STRIP1: variants seen among roughly 807,000 people sequenced by gnomAD.
STRIP1 encodes the protein striatin-interacting protein 1.
STRIP1 carries 63 observed loss-of-function variants against 106.2 expected under a neutral mutation model. That is an observed-to-expected ratio of 0.59 (90% CI 0.48 to 0.73). The LOEUF is 0.73. Among genes scored for constraint, STRIP1 ranks in the 30% least tolerant of loss-of-function variants. The pLI is 0.00. For missense variants in STRIP1, 857 were observed against 1,074.8 expected, an observed-to-expected ratio of 0.80 and a Z score of 2.83; for synonymous variants, 390 against 413.0, an observed-to-expected ratio of 0.94 and a Z score of 0.67.
At chr1:110,051,275 T>C (rs995683768) in intron 19 of STRIP1, among the ~76,000 whole-genome samples, 3 of 152,256 alleles carry the variant, frequency 2.0e-5, no homozygotes, top group African/African-American at 7.2e-5. Context: ...TCTACATTTA[T>C]AGAAGAACTT....
chr1:110,038,854 C>T, intron 3 of STRIP1, 97 bp downstream of exon 3: 1 of 1,153,360 alleles, frequency 8.7e-7, no homozygotes, highest in Non-Finnish European at 1.3e-6. Context: ...CATCCTGGAA[C>T]AGCCTGAGAA....
chr1:110,047,802 G>T lies in STRIP1; in HGVS notation c.1594G>T (p.Ala532Ser). The T allele has an allele frequency of 6.4e-7, 1 of 1,571,112 alleles. No homozygotes were observed. ...CCTCCTGAAGATCCTGTTGGCTGCA[G>T]CACCCACCTCAAAAGCCAAAACAGA... ...IALLKILLAA[A>S]PTSKAKTDSI... The change falls in exon 15 of 21, where the codon GCA becomes TCA. Residue 532 changes from alanine (A) to serine (S), a missense_variant. Ala to Ser is a moderately conservative substitution (Grantham distance 99). Transcript: ENST00000369795.
At chr1:110,048,733 A>G (rs1156589279) in intron 15 of STRIP1, among the ~76,000 whole-genome samples, 1 of 152,270 alleles carries the variant, frequency 6.6e-6, no homozygotes, top group Non-Finnish European at 1.5e-5. Flanking sequence ...ATCTTACTCC[A>G]AAACCCTTTT....
At chr1:110,038,069 CAAATATATATATATAT>C in intron 2 of STRIP1, 109 bp downstream of exon 2, 1 of 183,074 alleles carries the variant, frequency 5.5e-6, no homozygotes. Context: ...CTAGTTCTAT[CAAATATATATATATAT>C]ATATATATAT....
intron 9 of STRIP1, among the ~76,000 whole-genome samples, 162 bp downstream of exon 9, chr1:110,043,432 T>C (rs1652870827): frequency 6.6e-6 from 1 of 152,196 alleles, no homozygotes; most frequent in Non-Finnish European, 1.5e-5. Flanking sequence ...TCTGGTCCAG[T>C]GTATGGTGAG....
rs577536791 is a variant in STRIP1 at position 110,042,681 on chromosome 1, T to C, written c.886-407T>C. Among the ~76,000 whole-genome samples, 4 of 152,240 alleles carry C rather than the reference T, an allele frequency of 2.6e-5. No individual in the cohort carries two copies. The East Asian group carries it at 5.8e-4, about 22-fold the overall frequency. On this transcript the variant is annotated intron_variant, in intron 8 of 20. Coordinates refer to ENST00000369795, the MANE Select transcript of STRIP1 (RefSeq NM_033088.4). ...GGAGATGTTTAGATGAAGCTTTTTT[T>C]CTTCTTCTAAAGTTGAGCAACCAAC...
intron 1 of STRIP1, among the ~76,000 whole-genome samples, chr1:110,036,879 A>G (rs1652482740): frequency 6.6e-6 from 1 of 152,124 alleles, no homozygotes; most frequent in Admixed American, 6.5e-5. Context: ...GCTGGAGTGT[A>G]GTGGCGCGAT....
At position 110,037,874 on chromosome 1, in the gene STRIP1, T is replaced by C. The variant is rs1211484905; in HGVS notation, c.181-17T>C. 1 of 1,583,898 alleles carries C rather than the reference T, an allele frequency of 6.3e-7. No homozygotes were observed. Among genetic ancestry groups the C allele is most frequent in the Non-Finnish European group, 8.7e-7 (1 of 1,153,314 alleles). ...AGAATGATCCTTTTTCCTAAAGCTC[T>C]CTCCTCTTGTCAGCAGGGCTATTCG... On this transcript the variant is annotated splice_polypyrimidine_tract_variant and intron_variant, in intron 1 of 20. Transcript: ENST00000369795.
upstream of STRIP1, chr1:110,034,619 G>T: frequency 6.7e-7 from 1 of 1,503,164 alleles, no homozygotes; most frequent in Non-Finnish European, 8.9e-7. Flanking sequence ...AGTTAAGCTG[G>T]GGGTGTGGAG....
In STRIP1 at chr1:110,049,147, A is replaced by G. The variant is rs1157318093; in HGVS notation, c.1697A>G (p.Asp566Gly). 1.9e-6 allele frequency: 3 copies of G among 1,614,188 alleles called. No homozygotes were observed. The highest frequency in any genetic ancestry group is 3.3e-5 in the Admixed American group (2 of 60,024). The stretch of plus-strand genomic sequence containing the variant: ...TTGCAGAGCATGAAGCTGGGGGTGG[A>G]TGTAAACCGCCACAAAGAGGTCATT... The part of the protein sequence containing the change: ...TVLQSMKLGV[D>G]VNRHKEVIVK... The change falls in exon 16 of 21, where the codon GAT (aspartate) becomes GGT (glycine). Residue 566 changes from aspartate (D) to glycine (G), a missense_variant. By Grantham distance (94) the Asp-to-Gly change is moderately conservative. This residue lies in a region of STRIP1 where 750 missense variants were observed against 989.8 expected (regional missense o/e 0.76). Coordinates refer to ENST00000369795, the MANE Select transcript of STRIP1 (RefSeq NM_033088.4).
At position 110,045,004 on chromosome 1, in the gene STRIP1, T is replaced by G; in HGVS notation, c.1353-11T>G. On this transcript the variant is annotated splice_polypyrimidine_tract_variant and intron_variant, in intron 11 of 20. Transcript: ENST00000369795. ...GTCGAGGCTCAACACAGGGCCTTCTTTATTCTCCAGTGACACGAACACAGT... is the reference window on the plus strand; with the variant it reads ...GTCGAGGCTCAACACAGGGCCTTCTGTATTCTCCAGTGACACGAACACAGT... The G allele has an allele frequency of 6.2e-7, 1 of 1,614,156 alleles. No homozygotes were observed. Among genetic ancestry groups the G allele is most frequent in the Non-Finnish European group, 8.5e-7 (1 of 1,180,022 alleles).
rs182910788 is a variant in STRIP1, at chr1:110,043,595, C to T, written c.1069-44C>T. ...CCTCTGGCTGCACTTCCCTGGTCTG[C>T]GTCCTCAGTTGGCTCTTGTCTCATC... On this transcript the variant is annotated intron_variant, in intron 9 of 20. Transcript: ENST00000369795. 178 of 1,540,072 alleles carry T rather than the reference C, an allele frequency of 1.2e-4. No homozygotes were observed. In the East Asian group the frequency reaches 3.2e-3, roughly 27 times the overall value.
intron 17 of STRIP1, 28 bp downstream of exon 17, chr1:110,049,588 G>A: frequency 2.0e-6 from 3 of 1,509,408 alleles, no homozygotes; most frequent in Non-Finnish European, 1.8e-6. Context: ...CCATGAAGGG[G>A]TGGATATGGT....
rs764749204 is a variant in STRIP1, at chr1:110,034,708, C to T, written c.71C>T (p.Pro24Leu). ...NNKQPQPPPP[P>L]PPAAAQPPPG... The stretch of plus-strand genomic sequence containing the variant: ...AAACAGCCCCAGCCCCCGCCACCTC[C>T]GCCGCCGGCAGCCGCACAGCCACCA... Residue 24 changes from proline to leucine, a missense_variant, in exon 1 of 21, where the codon CCG (proline) becomes CTG (leucine). By Grantham distance (98) the Pro-to-Leu change is moderately conservative. This residue lies in a region of STRIP1 where 107 missense variants were observed against 85.1 expected (regional missense o/e 1.26). Transcript: ENST00000369795. The T allele has an allele frequency of 6.6e-7, 1 of 1,510,170 alleles. No individual in the cohort carries two copies. Among genetic ancestry groups the T allele is most frequent in the Non-Finnish European group, 8.8e-7 (1 of 1,131,736 alleles). 93.5% of individuals were successfully genotyped at this position (1,510,170 alleles called of 1,614,324 possible). A position where few individuals can be genotyped will look rare whatever the true frequency, so the allele number is the denominator to read the frequency against.
At position 110,050,988 on chromosome 1, in the gene STRIP1, G is replaced by A; in HGVS notation, c.1989G>A (p.Arg663=). 1 of 1,613,834 alleles carries A rather than the reference G, an allele frequency of 6.2e-7. No homozygotes were observed. Among genetic ancestry groups the A allele is most frequent in the South Asian group, 1.1e-5 (1 of 91,068 alleles). The change falls in exon 19 of 21, where the codon AGG becomes AGA. Residue 663 remains arginine, a synonymous_variant. Transcript: ENST00000369795. ...GTGACAGTAACCAATTTTGCTGGAG[G>A]AACCTCTTTTCTTGTATCAATCTGC... ...EAGDSNQFCW[R]NLFSCINLLR... is the part of the protein sequence containing the mutation.
Position 110,054,479 on chromosome 1 carries a change from A to C in STRIP1, c.*567A>C, listed in dbSNP as rs1297062414. 1 of 153,988 alleles carries C rather than the reference A, an allele frequency of 6.5e-6. No homozygotes were observed. The highest frequency in any genetic ancestry group is 1.9e-4 in the East Asian group (1 of 5,196). 9.5% of individuals were successfully genotyped at this position (153,988 alleles called of 1,614,324 possible). A position where few individuals can be genotyped will look rare whatever the true frequency, so the allele number is the denominator to read the frequency against. On this transcript the variant is annotated 3_prime_UTR_variant, in exon 21 of 21. Transcript: ENST00000369795. ...CTCAGCACTTTGATTTTGGACAGGGACAAGGTAGGAAGAGAAGCTTCCCTT... is the reference window on the plus strand; with the variant it reads ...CTCAGCACTTTGATTTTGGACAGGGCCAAGGTAGGAAGAGAAGCTTCCCTT...
intron 20 of STRIP1, among the ~76,000 whole-genome samples, chr1:110,052,135 GA>G (rs1391554460): frequency 1.3e-5 from 2 of 152,142 alleles, no homozygotes; most frequent in African/African-American, 4.8e-5. Context: ...TCCTTTTCTA[GA>G]AATTGTCATA....
Position 110,039,324 on chromosome 1 carries a change from C to T in STRIP1, c.460+18C>T, listed in dbSNP as rs772091187. Reference sequence around the variant, plus strand: ...TGCTCAAGGTATTGAGTGGACCTCCCCAGGGTTCCCTGGCACCTCTGCCCA... The same window carrying T: ...TGCTCAAGGTATTGAGTGGACCTCCTCAGGGTTCCCTGGCACCTCTGCCCA... On this transcript the variant is annotated intron_variant, in intron 4 of 20. Transcript: ENST00000369795. 6.2e-7 allele frequency: 1 copy of T among 1,613,888 alleles called. No individual in the cohort carries two copies. The highest frequency in any genetic ancestry group is 1.7e-5 in the Admixed American group (1 of 59,994).
chr1:110,034,568 G>A, upstream of STRIP1: 1 of 1,443,050 alleles, frequency 6.9e-7, no homozygotes, highest in Non-Finnish European at 9.1e-7. Flanking sequence ...AAATTTCCTG[G>A]AGAAAATCAC....
Sources: allele counts gnomAD v4.1 joint callset (sites outside exome capture counted in the v4.1 genomes callset), GRCh38; gene constraint gnomAD v4.1.1; regional missense constraint gnomAD v4.1.1; transcripts MANE v1.5; gene names NCBI Gene and HGNC (gene_info 2026-07-23, HGNC 2026-07-21).